CHLSN: variants seen among roughly 807,000 people sequenced by gnomAD.
The protein encoded by CHLSN is protein cholesin.
chr7:1,126,223 T>G, the CHLSN span, among the ~76,000 whole-genome samples: 2 of 150,390 alleles, frequency 1.3e-5, no homozygotes, highest in South Asian at 4.2e-4. Context: ...TAGCTGGGCG[T>G]GGTGGTAGGC....
At chr7:1,003,372 T>C in the CHLSN span, among the ~76,000 whole-genome samples, 1 of 60,394 alleles carries the variant, frequency 1.7e-5, no homozygotes. Context: ...GGGAGTCCTG[T>C]GGGTGAGTGG....
the CHLSN span, among the ~76,000 whole-genome samples, chr7:1,037,395 C>T: frequency 1.5e-5 from 2 of 132,748 alleles, no homozygotes; most frequent in South Asian, 4.9e-4. Context: ...CCTGCCATTG[C>T]AGGTGCGCGC....
chr7:1,055,172 C>T, the CHLSN span: 7 of 462,412 alleles, frequency 1.5e-5, no homozygotes, highest in Admixed American at 9.5e-5. Flanking sequence ...AGTGCGGTCC[C>T]GTCCAAGCAC....
the CHLSN span, among the ~76,000 whole-genome samples, chr7:1,111,363 G>C: frequency 6.6e-6 from 1 of 152,242 alleles, no homozygotes; most frequent in Admixed American, 6.5e-5. Flanking sequence ...TAACCATCTT[G>C]ATGGCAAAGG....
the CHLSN span, among the ~76,000 whole-genome samples, chr7:1,046,641 A>T: frequency 6.6e-6 from 1 of 152,192 alleles, no homozygotes; most frequent in Non-Finnish European, 1.5e-5. Context: ...TCAGTTTCTT[A>T]GGAGCGTGCT....
the CHLSN span, among the ~76,000 whole-genome samples, chr7:1,027,550 A>T: frequency 6.6e-6 from 1 of 152,278 alleles, no homozygotes; most frequent in East Asian, 1.9e-4. Context: ...CCGACGCAGC[A>T]GCGGCAGAGC....
chr7:1,124,624 T>G, the CHLSN span, among the ~76,000 whole-genome samples: 2 of 145,646 alleles, frequency 1.4e-5, no homozygotes, highest in Admixed American at 6.8e-5. Context: ...GATGACGAGT[T>G]AGTGGGTGCA....
At chr7:1,094,578 ACTCT>A in the CHLSN span, among the ~76,000 whole-genome samples, 1 of 151,744 alleles carries the variant, frequency 6.6e-6, no homozygotes, top group Non-Finnish European at 1.5e-5. Context: ...AGTCCAGGAA[ACTCT>A]CTCCTCCTGT....
chr7:1,135,722 G>A, the CHLSN span, among the ~76,000 whole-genome samples: 3 of 148,612 alleles, frequency 2.0e-5, no homozygotes, highest in Non-Finnish European at 3.0e-5. Context: ...CCGAGATCGC[G>A]CCACTGCACT....
chr7:988,181 G>A, the CHLSN span: 12 of 1,379,070 alleles, frequency 8.7e-6, no homozygotes, highest in Non-Finnish European at 1.2e-5. Context: ...TGTGGTGGGT[G>A]TGGCAGGAGC....
the CHLSN span, among the ~76,000 whole-genome samples, chr7:1,041,500 G>A: frequency 6.6e-6 from 1 of 152,154 alleles, no homozygotes; most frequent in Non-Finnish European, 1.5e-5. Context: ...CCGTTTATGG[G>A]GGCTCTGAAC....
At chr7:1,031,045 G>A in the CHLSN span, among the ~76,000 whole-genome samples, 2 of 152,210 alleles carry the variant, frequency 1.3e-5, no homozygotes, top group South Asian at 4.1e-4. Context: ...TGAAGCATCA[G>A]TGGCCAGTGG....
At chr7:986,509 C>A in the CHLSN span, 1 of 1,253,212 alleles carries the variant, frequency 8.0e-7, no homozygotes, top group African/African-American at 1.5e-5. Flanking sequence ...CCGCCTCCAG[C>A]ACATCCACCC....
chr7:1,124,879 G>A, the CHLSN span, among the ~76,000 whole-genome samples: 2 of 152,220 alleles, frequency 1.3e-5, no homozygotes, highest in African/African-American at 4.8e-5. Context: ...GGGAGCCGCA[G>A]GACCTCTGCA....
the CHLSN span, among the ~76,000 whole-genome samples, chr7:1,081,309 C>A: frequency 6.6e-6 from 1 of 152,210 alleles, no homozygotes; most frequent in South Asian, 2.1e-4. Context: ...TCGGGGATAA[C>A]TGTGAGGACC....
the CHLSN span, among the ~76,000 whole-genome samples, chr7:1,096,029 C>T: frequency 6.6e-6 from 1 of 152,322 alleles, no homozygotes; most frequent in African/African-American, 2.4e-5. This position sits in a 1 kb window ranked among gnomAD's most constrained non-coding sequence, Gnocchi z 4.6. Flanking sequence ...CAATCAGGGA[C>T]GGGACTCAAC....
chr7:1,028,854 C>G, the CHLSN span: 1 of 792,840 alleles, frequency 1.3e-6, no homozygotes, highest in Non-Finnish European at 1.5e-6. Context: ...TCTTCCCAGT[C>G]TGCCATCTCC....
the CHLSN span, among the ~76,000 whole-genome samples, chr7:1,136,517 T>C: frequency 8.1e-5 from 8 of 98,364 alleles, no homozygotes; most frequent in Admixed American, 8.3e-4. Context: ...TAAACATATA[T>C]AAATATATAT....
At chr7:988,695 G>A in the CHLSN span, 1 of 1,599,930 alleles carries the variant, frequency 6.3e-7, no homozygotes. Flanking sequence ...CTGTTTGCCG[G>A]CCTCCTGCAG....
Sources: allele counts gnomAD v4.1 joint callset (sites outside exome capture counted in the v4.1 genomes callset), GRCh38; gene constraint gnomAD v4.1.1; non-coding constraint Gnocchi (gnomAD v3.1); transcripts MANE v1.5; gene names NCBI Gene and HGNC (gene_info 2026-07-23, HGNC 2026-07-21).